Variants in SRP72 observed in about 807,000 individuals in gnomAD.
SRP72 encodes signal recognition particle subunit SRP72.
In SRP72, 49 loss-of-function variants were observed where a neutral mutation model predicts 96.3. The observed-to-expected ratio is 0.51, with a 90% CI of 0.40 to 0.65. The LOEUF is 0.65. SRP72 is among the 30% of genes least tolerant of loss of function. SRP72 has a pLI of 0.00. For missense variants in SRP72, 736 were observed against 793.3 expected (o/e 0.93, Z 0.87); for synonymous variants, 267 against 275.2 (o/e 0.97, Z 0.30).
chr4:56,477,585 G>A (rs576684238), intron 6 of SRP72, among the ~76,000 whole-genome samples: 31 of 152,084 alleles, frequency 2.0e-4, no homozygotes, highest in Admixed American at 1.5e-3. Flanking sequence ...GAACCACCAT[G>A]CCCAGCCCAT....
intron 12 of SRP72, among the ~76,000 whole-genome samples, chr4:56,488,686 T>A (rs968781682): frequency 6.6e-6 from 1 of 152,214 alleles, no homozygotes; most frequent in African/African-American, 2.4e-5. Flanking sequence ...ATGTATCCAT[T>A]TCATTTAGGT....
intron 6 of SRP72, 124 bp from the exon 7 acceptor site, chr4:56,478,255 C>G: frequency 5.4e-6 from 5 of 920,772 alleles, no homozygotes; most frequent in Non-Finnish European, 5.9e-6. Flanking sequence ...AGAACTGACT[C>G]TAAGGGAAAA....
rs750031777 is a variant in SRP72, at chr4:56,489,495, GA to G, written c.1320+13del. 2.0e-6 allele frequency: 3 copies of G among 1,507,194 alleles called. No homozygotes were observed. Among genetic ancestry groups the G allele is most frequent in the Non-Finnish European group, 2.7e-6 (3 of 1,095,108 alleles). The allele number at this position is 1,507,194 out of a possible 1,614,324, so 93.4% of individuals were successfully genotyped here. ...ATCAAAACCATCAGGTAAATAAATG[GA>G]GTAAAATGTTATGAGAGCATGTTTT... On this transcript the variant is annotated intron_variant, in intron 13 of 18. Coordinates refer to ENST00000642900, the MANE Select transcript of SRP72 (RefSeq NM_006947.4).
intron 1 of SRP72, 111 bp downstream of exon 1, chr4:56,467,855 A>G (rs1719797428): frequency 9.4e-7 from 1 of 1,065,146 alleles, no homozygotes. Context: ...GAGACCCCCG[A>G]AACCCCCCCG....
intron 1 of SRP72, 56 bp from the exon 2 acceptor site, chr4:56,469,597 A>G (rs1218838570): frequency 6.8e-7 from 1 of 1,464,892 alleles, no homozygotes; most frequent in Non-Finnish European, 9.2e-7. Flanking sequence ...AAAATTTAGT[A>G]AAAATGTGAA....
intron 16 of SRP72, among the ~76,000 whole-genome samples, chr4:56,492,281 AG>A (rs1720936625): frequency 6.6e-6 from 1 of 152,088 alleles, no homozygotes. Flanking sequence ...TTTACCTTTT[AG>A]TTATTGTTGT....
intron 3 of SRP72, 44 bp from the exon 4 acceptor site, chr4:56,474,010 C>A: frequency 6.3e-7 from 1 of 1,581,718 alleles, no homozygotes; most frequent in South Asian, 1.2e-5. Flanking sequence ...AAAGACATAA[C>A]ACCATATTTG....
chr4:56,499,888 T>C (rs950715564), intron 17 of SRP72, among the ~76,000 whole-genome samples: 1 of 152,218 alleles, frequency 6.6e-6, no homozygotes, highest in Non-Finnish European at 1.5e-5. Context: ...GGATTATAAA[T>C]CATTCTGCTA....
intron 9 of SRP72, 53 bp from the exon 10 acceptor site, chr4:56,484,683 G>A: frequency 6.2e-7 from 1 of 1,605,812 alleles, no homozygotes; most frequent in Non-Finnish European, 8.5e-7. Context: ...GTCATTTAGT[G>A]TTTAATTTCA....
At chr4:56,472,348 CTTT>C (rs11332013) in intron 3 of SRP72, among the ~76,000 whole-genome samples, 28 of 123,016 alleles carry the variant, frequency 2.3e-4, no homozygotes, top group Admixed American at 4.2e-4. Flanking sequence ...TAAAGTTTTT[CTTT>C]TTTTTTTTTT....
intron 13 of SRP72, 85 bp downstream of exon 13, chr4:56,489,568 T>C: frequency 1.5e-6 from 1 of 672,664 alleles, no homozygotes; most frequent in East Asian, 2.8e-5. Context: ...GGCAAACAAG[T>C]ATTACACGTC....
At chr4:56,498,948 C>T (rs558965020) in intron 17 of SRP72, among the ~76,000 whole-genome samples, 2 of 152,212 alleles carry the variant, frequency 1.3e-5, no homozygotes, top group African/African-American at 4.8e-5. Flanking sequence ...AAAAAAGAAC[C>T]CATATAGCCA....
At chr4:56,499,060 A>G (rs1721173170) in intron 17 of SRP72, among the ~76,000 whole-genome samples, 1 of 152,230 alleles carries the variant, frequency 6.6e-6, no homozygotes, top group African/African-American at 2.4e-5. Flanking sequence ...TACGGGTACC[A>G]AAACAGATCT....
intron 6 of SRP72, among the ~76,000 whole-genome samples, chr4:56,477,812 A>G (rs1294139825): frequency 2.0e-5 from 3 of 152,194 alleles, no homozygotes; most frequent in Admixed American, 1.3e-4. Flanking sequence ...AATCTGGAGC[A>G]TCGGTTAAGA....
chr4:56,501,281 A>G (rs1406576101), intron 18 of SRP72, among the ~76,000 whole-genome samples: 3 of 151,894 alleles, frequency 2.0e-5, no homozygotes, highest in Non-Finnish European at 4.4e-5. Context: ...GGTAGTGCGC[A>G]CCTGTAATCC....
At chr4:56,474,448 A>G in intron 5 of SRP72, 57 bp downstream of exon 5, 1 of 1,411,600 alleles carries the variant, frequency 7.1e-7, no homozygotes. Context: ...TTTGTAGAGT[A>G]TCTTCTAAAA....
intron 3 of SRP72, among the ~76,000 whole-genome samples, chr4:56,472,911 C>A (rs1329231665): frequency 6.6e-6 from 1 of 152,080 alleles, no homozygotes; most frequent in East Asian, 1.9e-4. Flanking sequence ...TCTTTGAGCA[C>A]AACTTGAATG....
rs1720710883 is a variant in SRP72 at position 56,486,381 on chromosome 4, G to A, written c.1143G>A (p.Gln381=). ...NAAEIKLTMA[Q]LKISQGNISK... Reference sequence around the variant, plus strand: ...CTGAAATTAAGCTGACCATGGCACAGTTGAAAATTTCTCAAGGTATTATGG... The same window carrying A: ...CTGAAATTAAGCTGACCATGGCACAATTGAAAATTTCTCAAGGTATTATGG... The change falls in exon 11 of 19, where the codon CAG becomes CAA. Residue 381 remains glutamine, a synonymous_variant. Transcript: ENST00000642900. 1.2e-6 allele frequency: 2 copies of A among 1,600,794 alleles called. No individual in the cohort carries two copies. Among genetic ancestry groups the A allele is most frequent in the Non-Finnish European group, 1.7e-6 (2 of 1,171,258 alleles).
At chr4:56,487,726 T>G (rs567594422) in intron 11 of SRP72, among the ~76,000 whole-genome samples, 1 of 152,316 alleles carries the variant, frequency 6.6e-6, no homozygotes, top group African/African-American at 2.4e-5. Context: ...TTTGTGAGCT[T>G]AAGCAAGGTA....
Sources: gnomAD v4.1 joint callset for allele counts (sites outside exome capture counted in the v4.1 genomes callset) on GRCh38, gnomAD v4.1.1 for gene constraint, MANE v1.5 for transcripts, NCBI Gene and HGNC (gene_info 2026-07-23, HGNC 2026-07-21) for gene names.